ZNF618: variants seen among roughly 807,000 people sequenced by gnomAD.
ZNF618 encodes the protein neural precursor cell expressed, developmentally down-regulated 10.
In ZNF618, 34 loss-of-function variants were observed where a neutral mutation model predicts 103.0. The ratio of observed to expected loss-of-function variants is 0.33; its 90% confidence interval spans 0.25 to 0.44. The LOEUF is 0.44. Among genes scored for constraint, ZNF618 ranks in the 20% least tolerant of loss-of-function variants. ZNF618 has a pLI of 1.00. For synonymous variants in ZNF618, 551 were observed against 542.2 expected, an observed-to-expected ratio of 1.02 and a Z score of -0.23; for missense variants, 1,059 against 1,295.4, an observed-to-expected ratio of 0.82 and a Z score of 2.80.
Position 114,049,453 on chromosome 9 carries a change from G to A in ZNF618, c.2151G>A (p.Arg717=). 6.2e-7 allele frequency: 1 copy of A among 1,609,474 alleles called. No homozygotes were observed. Among genetic ancestry groups the A allele is most frequent in the Non-Finnish European group, 8.5e-7 (1 of 1,177,864 alleles). Residue 717 remains arginine, a synonymous_variant, in exon 15 of 15, where the codon CGG becomes CGA. Transcript: ENST00000374126. Reference sequence around the variant, plus strand: ...AGCAGATCTGCGAGTTCTACAGCCGGGCCAAGAAGATGAACCTCATCCAGA... The same window carrying A: ...AGCAGATCTGCGAGTTCTACAGCCGAGCCAAGAAGATGAACCTCATCCAGA... ...RYEQICEFYS[R]AKKMNLIQSL... is the part of the protein sequence containing the mutation.
chr9:113,926,193 A>C (rs184808848), intron 1 of ZNF618, among the ~76,000 whole-genome samples: 16 of 136,036 alleles, frequency 1.2e-4, no homozygotes, highest in African/African-American at 3.8e-4. Flanking sequence ...TATTTCACCT[A>C]TCTTCTTGCT....
intron 2 of ZNF618, among the ~76,000 whole-genome samples, chr9:113,979,780 G>A (rs1838812461): frequency 6.6e-6 from 1 of 152,214 alleles, no homozygotes; most frequent in African/African-American, 2.4e-5. Context: ...TTGTCCTCTA[G>A]CTCACGTTCT....
chr9:113,935,487 G>A (rs1833950332), intron 1 of ZNF618, among the ~76,000 whole-genome samples: 1 of 152,142 alleles, frequency 6.6e-6, no homozygotes, highest in Non-Finnish European at 1.5e-5. Context: ...CCTGGCCCTG[G>A]AAACACCATG....
At chr9:113,957,363 C>T (rs910550432) in intron 1 of ZNF618, among the ~76,000 whole-genome samples, 9 of 152,130 alleles carry the variant, frequency 5.9e-5, no homozygotes, top group African/African-American at 7.2e-5. Flanking sequence ...CAGGATGTAT[C>T]GAGCTACTAA....
At chr9:113,944,404 G>C (rs763271281) in intron 1 of ZNF618, among the ~76,000 whole-genome samples, 10 of 152,176 alleles carry the variant, frequency 6.6e-5, no homozygotes, top group African/African-American at 2.4e-5. Context: ...AGCCTCCCGA[G>C]TAGCTGGGAT....
intron 1 of ZNF618, among the ~76,000 whole-genome samples, chr9:113,882,851 G>A (rs1008700111): frequency 2.0e-5 from 3 of 152,050 alleles, no homozygotes; most frequent in Non-Finnish European, 4.4e-5. Context: ...GACCCTCCTC[G>A]AGATCAGCTG....
chr9:113,917,309 A>C (rs1345688832), intron 1 of ZNF618, among the ~76,000 whole-genome samples: 1 of 140,644 alleles, frequency 7.1e-6, no homozygotes, highest in Non-Finnish European at 1.5e-5. Context: ...GCAGTGGCTA[A>C]GTCTCCACTC....
At chr9:113,894,739 C>G (rs1165485525) in intron 1 of ZNF618, among the ~76,000 whole-genome samples, 2 of 152,002 alleles carry the variant, frequency 1.3e-5, no homozygotes, top group African/African-American at 4.8e-5. Flanking sequence ...GATCATTGCC[C>G]TCATTGAATA....
chr9:113,879,832 C>G (rs1456657001), intron 1 of ZNF618, among the ~76,000 whole-genome samples: 2 of 150,684 alleles, frequency 1.3e-5, no homozygotes, highest in Non-Finnish European at 2.9e-5. Flanking sequence ...TTTCAAGGGC[C>G]TGCTTTATAG....
At chr9:113,936,367 C>T (rs1258157740) in intron 1 of ZNF618, among the ~76,000 whole-genome samples, 5 of 152,244 alleles carry the variant, frequency 3.3e-5, no homozygotes, top group East Asian at 1.9e-4. Context: ...TGCCCACTAT[C>T]GTGCTAGTAA....
At chr9:113,897,056 C>G (rs1241609484) in intron 1 of ZNF618, among the ~76,000 whole-genome samples, 1 of 152,054 alleles carries the variant, frequency 6.6e-6, no homozygotes, top group East Asian at 1.9e-4. Context: ...AAAATAGCTA[C>G]TATGTATTTC....
At chr9:114,021,417 G>A (rs187092258) in intron 10 of ZNF618, among the ~76,000 whole-genome samples, 2 of 151,966 alleles carry the variant, frequency 1.3e-5, no homozygotes, top group Middle Eastern at 3.2e-3. Context: ...AAATTCTTCA[G>A]GATTTTACTT....
chr9:113,991,304 C>T (rs1201327282), intron 3 of ZNF618, among the ~76,000 whole-genome samples: 1 of 152,224 alleles, frequency 6.6e-6, no homozygotes, highest in Non-Finnish European at 1.5e-5. Context: ...TCCCGGCCAC[C>T]TCATGGGCGT....
chr9:114,053,471 C>T lies in ZNF618; in HGVS notation c.*3304C>T, dbSNP rs1443827074. 2 of 152,234 alleles carry T rather than the reference C, an allele frequency of 1.3e-5. No homozygotes were observed. The highest frequency in any genetic ancestry group is 4.8e-5 in the African/African-American group (2 of 41,434). The allele number at this position is 152,234 out of a possible 1,614,324, so 9.4% of individuals were successfully genotyped here. On this transcript the variant is annotated 3_prime_UTR_variant, in exon 15 of 15. Transcript: ENST00000374126. Reference sequence around the variant, plus strand: ...TGATGTGGAGACTACTCACCTTGAGCCATGTGGTCCCCAGGACAGAAATGG... The same window carrying T: ...TGATGTGGAGACTACTCACCTTGAGTCATGTGGTCCCCAGGACAGAAATGG...
chr9:113,928,292 C>T (rs1239024402), intron 1 of ZNF618, among the ~76,000 whole-genome samples: 1 of 152,124 alleles, frequency 6.6e-6, no homozygotes, highest in East Asian at 1.9e-4. Flanking sequence ...CATCTCTTTG[C>T]TTATGTTAAC....
intron 1 of ZNF618, among the ~76,000 whole-genome samples, chr9:113,920,784 A>T (rs1273529511): frequency 6.6e-6 from 1 of 152,270 alleles, no homozygotes; most frequent in African/African-American, 2.4e-5. Context: ...TGGCAAGCAC[A>T]GTACCTAGCA....
At chr9:113,988,278 A>G (rs533541438) in intron 2 of ZNF618, 43 bp from the exon 3 acceptor site, 13 of 1,576,946 alleles carry the variant, frequency 8.2e-6, no homozygotes, top group East Asian at 6.7e-5. Flanking sequence ...TCCTGTGTTG[A>G]TCTGGAGGAA....
At chr9:114,009,259 G>T (rs57447464) in intron 9 of ZNF618, among the ~76,000 whole-genome samples, 1 of 152,142 alleles carries the variant, frequency 6.6e-6, no homozygotes, top group Non-Finnish European at 1.5e-5. Context: ...AGGGAATGCT[G>T]GAAGCTTTCA....
intron 13 of ZNF618, among the ~76,000 whole-genome samples, chr9:114,038,753 C>T (rs560842266): frequency 1.3e-5 from 2 of 152,128 alleles, no homozygotes; most frequent in African/African-American, 4.8e-5. Flanking sequence ...GAGAGCTTTA[C>T]GCAGGTTATT....
Sources: gnomAD v4.1 joint callset for allele counts (sites outside exome capture counted in the v4.1 genomes callset) on GRCh38, gnomAD v4.1.1 for gene constraint, MANE v1.5 for transcripts, NCBI Gene and HGNC (gene_info 2026-07-23, HGNC 2026-07-21) for gene names.